The following USP25 variants were observed in gnomAD, a reference collection of about 807,000 sequenced individuals.
The protein encoded by USP25 is ubiquitin carboxyl-terminal hydrolase 25.
Under a neutral mutation model 158.5 loss-of-function variants are expected in USP25, and 85 were observed. That is an observed-to-expected ratio of 0.54 (90% CI 0.45 to 0.64). The LOEUF is 0.64. Ranked by LOEUF, USP25 falls within the 30% of genes least tolerant of loss-of-function variation. The probability of loss-of-function intolerance (pLI) is 0.00; values close to 1 mark genes in which losing one functional copy is unlikely to be tolerated. For synonymous variants in USP25, 464 were observed against 460.4 expected (o/e 1.01, Z -0.10); for missense variants, 1,242 against 1,327.3 (o/e 0.94, Z 1.00).
intron 16 of USP25, among the ~76,000 whole-genome samples, chr21:15,832,999 C>T (rs1344245733): frequency 2.0e-5 from 3 of 152,042 alleles, no homozygotes; most frequent in Admixed American, 2.0e-4. Context: ...GCCTGAGTGA[C>T]AGCATGACAC....
chr21:15,758,844 G>A (rs2033559354), intron 1 of USP25, among the ~76,000 whole-genome samples: 2 of 152,048 alleles, frequency 1.3e-5, no homozygotes, highest in Admixed American at 6.5e-5. Flanking sequence ...CACAAGAACA[G>A]CATGGGAAAA....
Position 15,791,512 on chromosome 21 carries a change from G to A in USP25, c.403G>A (p.Ala135Thr), listed in dbSNP as rs2035590077. The change falls in exon 5 of 26, where the codon GCC (alanine) becomes ACC (threonine). Residue 135 changes from alanine (A) to threonine (T), a missense_variant. Coordinates refer to ENST00000400183, the MANE Select transcript of USP25 (RefSeq NM_001283041.3). ...CCACCATTGATTAAGAGTTCTTGAA[G>A]CCAGCATAGCAGAGAATAAAGCATG... is the stretch of plus-strand genomic sequence containing the variant. The part of the protein sequence containing the change: ...EEQAISRVLE[A>T]SIAENKACLK... The A allele has an allele frequency of 1.2e-6, 2 of 1,602,288 alleles. No individual in the cohort carries two copies. Among genetic ancestry groups the A allele is most frequent in the Admixed American group, 1.7e-5 (1 of 58,472 alleles).
intron 1 of USP25, among the ~76,000 whole-genome samples, chr21:15,735,111 A>G (rs2031359187): frequency 6.6e-6 from 1 of 152,224 alleles, no homozygotes. Context: ...ACAATGTTGT[A>G]TCGTTTTGGC....
chr21:15,777,531 C>T (rs984354800), intron 3 of USP25, among the ~76,000 whole-genome samples: 1 of 152,078 alleles, frequency 6.6e-6, no homozygotes, highest in African/African-American at 2.4e-5. Flanking sequence ...CGTATGTAAT[C>T]GGGTTAACTT....
chr21:15,787,198 T>TA (rs749557127), intron 4 of USP25, among the ~76,000 whole-genome samples: 7 of 152,072 alleles, frequency 4.6e-5, no homozygotes, highest in African/African-American at 9.7e-5. Flanking sequence ...TCTCCAGACT[T>TA]ACTGCAGTCC....
At position 15,833,568 on chromosome 21, in the gene USP25, G is replaced by A. The variant is rs777564534; in HGVS notation, c.2194+20G>A. The stretch of plus-strand genomic sequence containing the variant: ...CAACAGGTTTGTCCATTTTTATTAA[G>A]TTGTGTTTGATTATCAATATTATTT... On this transcript the variant is annotated intron_variant, in intron 17 of 25. Transcript: ENST00000400183. 3.8e-6 allele frequency: 6 copies of A among 1,596,200 alleles called. 1 individual carries two copies. In the South Asian group the frequency reaches 6.8e-5, roughly 18 times the overall value.
Position 15,831,560 on chromosome 21 carries a change from G to T in USP25, c.1924G>T (p.Gly642Cys). Residue 642 changes from glycine (G) to cysteine (C), a missense_variant, in exon 16 of 26, where the codon GGT (glycine) becomes TGT (cysteine). By Grantham distance (159) the Gly-to-Cys change is radical (BLOSUM62 -3). Coordinates refer to ENST00000400183, the MANE Select transcript of USP25 (RefSeq NM_001283041.3). ...GGAAGAGCTAGTGAGGGACTCTTTT[G>T]GTGGTTATAGAAATGCCAGTGCATA... is the stretch of plus-strand genomic sequence containing the variant. ...SWEELVRDSF[G>C]GYRNASAYCL... is the part of the protein sequence containing the mutation. 1 of 1,613,968 alleles carries T rather than the reference G, an allele frequency of 6.2e-7. No individual in the cohort carries two copies. Among genetic ancestry groups the T allele is most frequent in the Non-Finnish European group, 8.5e-7 (1 of 1,179,958 alleles).
At chr21:15,849,690 T>C in intron 19 of USP25, 87 bp from the exon 20 acceptor site, 1 of 1,021,718 alleles carries the variant, frequency 9.8e-7, no homozygotes, top group Middle Eastern at 2.1e-4. Context: ...TTTATAAATA[T>C]GGAAAACAAA....
chr21:15,781,562 G>C (rs2034965956), intron 4 of USP25, among the ~76,000 whole-genome samples: 1 of 152,058 alleles, frequency 6.6e-6, no homozygotes, highest in African/African-American at 2.4e-5. Flanking sequence ...ATTTTGTCTG[G>C]AGTGACTGAG....
At position 15,808,235 on chromosome 21, in the gene USP25, C is replaced by T. The variant is rs146618314; in HGVS notation, c.781-574C>T. On this transcript the variant is annotated intron_variant, in intron 7 of 25. Transcript: ENST00000400183. The stretch of plus-strand genomic sequence containing the variant: ...TAGTTGATAACACAACTGCCACAAC[C>T]TATTCCTGTTTTTCCGTGTTGGGAG... 2.2e-4 allele frequency among the ~76,000 whole-genome samples: 33 copies of T among 152,286 alleles called. No homozygotes were observed. The East Asian group carries it at 6.2e-3, about 28-fold the overall frequency.
intron 22 of USP25, 23 bp from the exon 23 acceptor site, chr21:15,870,045 T>G: frequency 6.4e-7 from 1 of 1,556,368 alleles, no homozygotes; most frequent in Non-Finnish European, 8.8e-7. Context: ...CTGAACATTT[T>G]TAATATTTTC....
At chr21:15,807,704 C>A (rs1459063062) in intron 7 of USP25, among the ~76,000 whole-genome samples, 2 of 152,214 alleles carry the variant, frequency 1.3e-5, no homozygotes, top group Non-Finnish European at 2.9e-5. Context: ...CTGTTTCTTA[C>A]AAGAACACTC....
At chr21:15,776,906 A>G (rs2034688087) in intron 3 of USP25, among the ~76,000 whole-genome samples, 1 of 152,186 alleles carries the variant, frequency 6.6e-6, no homozygotes, top group Non-Finnish European at 1.5e-5. Context: ...AATACAAATA[A>G]GCATAATCCC....
At chr21:15,787,740 T>C (rs920763516) in intron 4 of USP25, among the ~76,000 whole-genome samples, 1 of 152,008 alleles carries the variant, frequency 6.6e-6, no homozygotes, top group Non-Finnish European at 1.5e-5. Flanking sequence ...CCTTTTTTTT[T>C]CTTTGTAGTT....
At chr21:15,847,977 A>G (rs1190029790) in intron 19 of USP25, among the ~76,000 whole-genome samples, 1 of 152,192 alleles carries the variant, frequency 6.6e-6, no homozygotes, top group Non-Finnish European at 1.5e-5. Flanking sequence ...AACTTATGGA[A>G]TTTGTCAAAA....
At chr21:15,856,963 C>A (rs988146598) in intron 20 of USP25, among the ~76,000 whole-genome samples, 2 of 152,146 alleles carry the variant, frequency 1.3e-5, no homozygotes, top group Non-Finnish European at 1.5e-5. Flanking sequence ...TACATTTCCA[C>A]CCACCATAGA....
At chr21:15,853,351 A>G (rs1454580788) in intron 20 of USP25, among the ~76,000 whole-genome samples, 2 of 152,146 alleles carry the variant, frequency 1.3e-5, no homozygotes, top group African/African-American at 4.8e-5. Context: ...ACATGTACAC[A>G]CACATGCACA....
chr21:15,779,368 CAT>C (rs893137907), intron 4 of USP25, among the ~76,000 whole-genome samples: 3 of 151,838 alleles, frequency 2.0e-5, no homozygotes, highest in African/African-American at 7.2e-5. Context: ...ATACAAAACA[CAT>C]GAGTTGGATT....
chr21:15,730,569 TGCCCATCGCCTCGGGGGCGTCGC>T lies in USP25; in HGVS notation c.45+137_45+159del. On this transcript the variant is annotated intron_variant, in intron 1 of 25. Transcript: ENST00000400183. The stretch of plus-strand genomic sequence containing the variant: ...TTCCTCCCCGGTCACCCCCGGCCCC[TGCCCATCGCCTCGGGGGCGTCGC>T]GCCCAGAGCCCAGCTGCGTGTGGGA... The T allele has an allele frequency of 3.7e-6, 4 of 1,088,852 alleles. No homozygotes were observed. In the African/African-American group the frequency reaches 5.0e-5, roughly 14 times the overall value. The allele number at this position is 1,088,852 out of a possible 1,614,324, so 67.4% of individuals were successfully genotyped here.
Sources: gnomAD v4.1 joint callset for allele counts (sites outside exome capture counted in the v4.1 genomes callset) on GRCh38, gnomAD v4.1.1 for gene constraint, MANE v1.5 for transcripts, NCBI Gene and HGNC (gene_info 2026-07-23, HGNC 2026-07-21) for gene names.